The following TRIQK variants were observed in gnomAD, a reference collection of about 807,000 sequenced individuals.
TRIQK encodes the protein triple QxxK/R motif containing, also known as triple QxxK/R motif-containing protein.
Under a neutral mutation model 10.8 loss-of-function variants are expected in TRIQK, and 10 were observed. The ratio of observed to expected loss-of-function variants is 0.92; its 90% CI spans 0.57 to 1.57. The LOEUF (loss-of-function observed/expected upper bound fraction) is 1.57, where lower values mean the gene tolerates loss of function less well. TRIQK is among the 40% of genes most tolerant of loss of function. The pLI is 0.00. For missense variants in TRIQK, 107 were observed against 97.7 expected (o/e 1.09, Z -0.40); for synonymous variants, 33 against 33.7 (o/e 0.98, Z 0.07).
At chr8:92,897,317 AT>A in intron 3 of TRIQK, among the ~76,000 whole-genome samples, 1 of 152,196 alleles carries the variant, frequency 6.6e-6, no homozygotes, top group East Asian at 1.9e-4. Context: ...TGTATTTTGC[AT>A]TGTAAGAAGG....
intron 4 of TRIQK, among the ~76,000 whole-genome samples, chr8:92,887,212 T>G (rs1303190111): frequency 6.6e-6 from 1 of 151,386 alleles, no homozygotes; most frequent in Non-Finnish European, 1.5e-5. Flanking sequence ...CAGTTGTAAC[T>G]GGTCTCTAGA....
chr8:92,972,142 CT>C (rs1416836729), intron 1 of TRIQK, among the ~76,000 whole-genome samples: 1 of 151,948 alleles, frequency 6.6e-6, no homozygotes, highest in African/African-American at 2.4e-5. Flanking sequence ...TACATTTAAG[CT>C]ATCTATGCCT....
intron 1 of TRIQK, among the ~76,000 whole-genome samples, chr8:92,962,714 T>C (rs1002194432): frequency 1.3e-5 from 2 of 152,088 alleles, no homozygotes; most frequent in African/African-American, 4.8e-5. Flanking sequence ...CCGGTTCACA[T>C]TACTCCACCG....
At chr8:92,956,386 G>A (rs951447249) in intron 1 of TRIQK, among the ~76,000 whole-genome samples, 8 of 151,698 alleles carry the variant, frequency 5.3e-5, no homozygotes, top group Admixed American at 2.6e-4. Context: ...TAAGGGTGCA[G>A]AGGCAGAAGG....
At chr8:92,995,006 A>G (rs778426838) in intron 1 of TRIQK, among the ~76,000 whole-genome samples, 29 of 151,998 alleles carry the variant, frequency 1.9e-4, no homozygotes, top group Non-Finnish European at 3.8e-4. Context: ...AACTATTTCT[A>G]CTGAAAGATT....
intron 1 of TRIQK, among the ~76,000 whole-genome samples, chr8:92,976,819 A>C (rs1198768502): frequency 3.3e-5 from 5 of 151,854 alleles, no homozygotes; most frequent in Non-Finnish European, 5.9e-5. Context: ...TTTGTGGCTT[A>C]TAATATAGCT....
At chr8:92,965,612 G>T (rs1240893733) in intron 1 of TRIQK, 1 of 152,364 alleles carries the variant, frequency 6.6e-6, no homozygotes, top group Non-Finnish European at 1.5e-5. Flanking sequence ...CCCGAGCCGC[G>T]TGGAAGACCT....
intron 1 of TRIQK, among the ~76,000 whole-genome samples, chr8:92,997,018 C>T (rs1400096285): frequency 1.3e-5 from 2 of 151,928 alleles, no homozygotes; most frequent in East Asian, 3.9e-4. Flanking sequence ...TTGAAGGTGA[C>T]TAGAAAATTT....
In TRIQK at chr8:92,883,937, T is replaced by C. The variant is rs1816337381; in HGVS notation, c.*2685A>G. On this transcript the variant is annotated 3_prime_UTR_variant, in exon 5 of 5. Transcript: ENST00000521988. ...AAATAAATTTATACATTCTTTACCC[T>C]GTCTAAACTTGCATGCAAAATAAGA... 2.0e-5 allele frequency: 3 copies of C among 151,774 alleles called. No homozygotes were observed. The highest frequency in any genetic ancestry group is 1.3e-4 in the Admixed American group (2 of 15,164). 9.4% of individuals were successfully genotyped at this position (151,774 alleles called of 1,614,324 possible).
intron 3 of TRIQK, 26 bp from the exon 4 acceptor site, chr8:92,892,100 G>A (rs1816798495): frequency 7.3e-7 from 1 of 1,376,072 alleles, no homozygotes; most frequent in African/African-American, 1.4e-5. Flanking sequence ...TTCAGACAAT[G>A]AGTTATGCTC....
intron 2 of TRIQK, among the ~76,000 whole-genome samples, chr8:92,934,174 T>C (rs967815300): frequency 1.3e-5 from 2 of 151,958 alleles, no homozygotes; most frequent in African/African-American, 4.8e-5. Flanking sequence ...AAATAAAGAA[T>C]AGTAGGGAAA....
At chr8:93,006,041 A>G (rs1350608832) in intron 1 of TRIQK, among the ~76,000 whole-genome samples, 1 of 152,126 alleles carries the variant, frequency 6.6e-6, no homozygotes, top group Admixed American at 6.6e-5. Context: ...AAGCAAAAAA[A>G]AAAAAAAATC....
chr8:92,916,440 C>A (rs1232410662), intron 3 of TRIQK, among the ~76,000 whole-genome samples: 1 of 152,086 alleles, frequency 6.6e-6, no homozygotes, highest in Non-Finnish European at 1.5e-5. Flanking sequence ...CTTAATCCTT[C>A]TTTCACATAT....
intron 1 of TRIQK, among the ~76,000 whole-genome samples, chr8:93,004,109 T>G (rs185897200): frequency 3.5e-3 from 528 of 152,342 alleles, no homozygotes; most frequent in Non-Finnish European, 6.5e-3. Flanking sequence ...AGTGCCCCAG[T>G]GCTCCCACAT....
At chr8:92,989,009 A>G (rs1378914692) in intron 1 of TRIQK, among the ~76,000 whole-genome samples, 1 of 152,198 alleles carries the variant, frequency 6.6e-6, no homozygotes, top group Admixed American at 6.5e-5. Context: ...AAAGATAAGA[A>G]AATTAGTGGG....
chr8:92,915,794 C>A (rs1809807036), intron 3 of TRIQK, among the ~76,000 whole-genome samples: 1 of 152,050 alleles, frequency 6.6e-6, no homozygotes, highest in Admixed American at 6.6e-5. Flanking sequence ...GTCACCGCGC[C>A]CGGCCTGTAC....
At position 92,923,437 on chromosome 8, in the gene TRIQK, A is replaced by G. The variant is rs143117026; in HGVS notation, c.-21-6427T>C. ...AATTCCTTGGAGATTATGTCTCATC[A>G]CCTTCTTTTGTAAAGAACACTGCAT... On this transcript the variant is annotated intron_variant, in intron 2 of 4. Transcript: ENST00000521988. 3.5e-3 allele frequency among the ~76,000 whole-genome samples: 526 copies of G among 151,958 alleles called. 4 individuals carry two copies. Among genetic ancestry groups the G allele is most frequent in the African/African-American group, 0.012 (498 of 41,526 alleles).
At chr8:92,909,042 A>G (rs994447293) in intron 3 of TRIQK, among the ~76,000 whole-genome samples, 3 of 151,954 alleles carry the variant, frequency 2.0e-5, no homozygotes, top group Non-Finnish European at 4.4e-5. Flanking sequence ...CAGCTGCCAT[A>G]TGAACACAAT....
intron 3 of TRIQK, among the ~76,000 whole-genome samples, chr8:92,900,995 C>T (rs1431051874): frequency 6.6e-6 from 1 of 151,858 alleles, no homozygotes; most frequent in Non-Finnish European, 1.5e-5. Flanking sequence ...GTTTTATTTG[C>T]AGCTATTGCA....
Sources: allele counts gnomAD v4.1 joint callset (sites outside exome capture counted in the v4.1 genomes callset), GRCh38; gene constraint gnomAD v4.1.1; transcripts MANE v1.5; gene names NCBI Gene and HGNC (gene_info 2026-07-23, HGNC 2026-07-21).